Variants in BBS1 observed in about 807,000 individuals in gnomAD.
BBS1 encodes BBSome complex member BBS1.
BBS1 carries 60 observed loss-of-function variants against 73.9 expected under a neutral mutation model. The observed-to-expected ratio is 0.81, with a 90% CI of 0.66 to 1.01. The LOEUF (loss-of-function observed/expected upper bound fraction) is 1.01. Among genes scored for constraint, BBS1 ranks in the 50% least tolerant of loss-of-function variants. The pLI is 0.00. For synonymous variants in BBS1, 283 were observed against 317.4 expected, an observed-to-expected ratio of 0.89 and a Z score of 1.15; for missense variants, 718 against 770.3, an observed-to-expected ratio of 0.93 and a Z score of 0.80.
Position 66,532,326 on chromosome 11 carries a change from C to T in BBS1, c.*289C>T. On this transcript the variant is annotated 3_prime_UTR_variant, in exon 17 of 17. Coordinates refer to ENST00000318312, the MANE Select transcript of BBS1 (RefSeq NM_024649.5). ...TCCAGAAACCATACTGGGCTCAGAT[C>T]AGAGCTCCGAAGCGGTCAAAGTGAG... The T allele has an allele frequency of 1.0e-5, 5 of 489,550 alleles. No homozygotes were observed. Among genetic ancestry groups the T allele is most frequent in the South Asian group, 9.4e-5 (4 of 42,626 alleles). 30.3% of individuals were successfully genotyped at this position (489,550 alleles called of 1,614,324 possible). A position where few individuals can be genotyped will look rare whatever the true frequency, so the allele number is the denominator to read the frequency against.
At chr11:66,523,402 A>C in intron 9 of BBS1, 54 bp from the exon 10 acceptor site, 1 of 1,613,890 alleles carries the variant, frequency 6.2e-7, no homozygotes, top group Non-Finnish European at 8.5e-7. Flanking sequence ...AGGGTCAGCC[A>C]TAGAAGTGGA....
intron 9 of BBS1, among the ~76,000 whole-genome samples, chr11:66,521,966 C>T (rs552697455): frequency 1.4e-5 from 2 of 146,652 alleles, no homozygotes; most frequent in Admixed American, 1.4e-4. Flanking sequence ...CGCCTGTAAT[C>T]CCAGCACTTT....
chr11:66,531,836 G>A, intron 16 of BBS1, 94 bp downstream of exon 16: 1 of 1,607,334 alleles, frequency 6.2e-7, no homozygotes, highest in Admixed American at 1.7e-5. Flanking sequence ...GGGCTCCTGG[G>A]TGGGGGTGGG....
intron 14 of BBS1, among the ~76,000 whole-genome samples, 189 bp downstream of exon 14, chr11:66,530,141 C>T (rs113156012): frequency 0.015 from 2,217 of 152,270 alleles, 60 homozygotes; most frequent in African/African-American, 0.05. Context: ...CCTCACCTTC[C>T]CACCCTCCTG....
chr11:66,521,317 T>C lies in BBS1; in HGVS notation c.771T>C (p.Phe257=), dbSNP rs367686869. ...VPVFLEVSGQ[F]DVEFRLAAAC... ...TCTTCCTAGAGGTTTCTGGCCAGTT[T>C]GATGTTGAGTTCCGGCTTGCCGCGG... The change falls in exon 9 of 17, where the codon TTT becomes TTC. Residue 257 remains phenylalanine (F), a synonymous_variant. Transcript: ENST00000318312. 1.9e-6 allele frequency: 3 copies of C among 1,614,132 alleles called. No individual in the cohort carries two copies. Among genetic ancestry groups the C allele is most frequent in the Non-Finnish European group, 2.5e-6 (3 of 1,180,048 alleles).
chr11:66,531,136 G>C (rs1314707894), intron 15 of BBS1, 108 bp downstream of exon 15: 1 of 1,459,632 alleles, frequency 6.9e-7, no homozygotes, highest in East Asian at 2.5e-5. Flanking sequence ...GCGGGTGGCT[G>C]CCAGGTGGCC....
At chr11:66,527,059 C>A in intron 13 of BBS1, 1 of 1,520,446 alleles carries the variant, frequency 6.6e-7, no homozygotes, top group Non-Finnish European at 8.8e-7. Flanking sequence ...CAGTCACTTC[C>A]AAACGCAGGA....
intron 9 of BBS1, 78 bp from the exon 10 acceptor site, chr11:66,523,378 G>C: frequency 6.2e-7 from 1 of 1,605,032 alleles, no homozygotes; most frequent in African/African-American, 1.3e-5. Flanking sequence ...GAGTCCATGA[G>C]GTTTAGACAG....
At chr11:66,519,475 T>C (rs772864163) in intron 7 of BBS1, 142 bp from the exon 8 acceptor site, 21 of 1,196,654 alleles carry the variant, frequency 1.8e-5, no homozygotes, top group Non-Finnish European at 2.5e-5. Flanking sequence ...ATAAACACCT[T>C]TGTACTTAAA....
intron 9 of BBS1, among the ~76,000 whole-genome samples, chr11:66,521,877 C>G (rs1312544547): frequency 7.1e-6 from 1 of 141,132 alleles, no homozygotes; most frequent in Non-Finnish European, 1.5e-5. Context: ...TGCACTCCAG[C>G]CTGGGTAACG....
At chr11:66,520,920 T>C in intron 8 of BBS1, 1 of 354,016 alleles carries the variant, frequency 2.8e-6, no homozygotes, top group South Asian at 2.3e-5. Flanking sequence ...AGTTTTGCCA[T>C]GTTGGACAGG....
At chr11:66,519,911 T>A (rs1386267771) in intron 8 of BBS1, 163 bp downstream of exon 8, 2 of 841,016 alleles carry the variant, frequency 2.4e-6, no homozygotes, top group African/African-American at 3.5e-5. Context: ...CGCCTATGGA[T>A]GTATACTGTT....
At chr11:66,523,597 C>T (rs1170348088) in intron 10 of BBS1, 21 bp downstream of exon 10, 29 of 1,613,868 alleles carry the variant, frequency 1.8e-5, no homozygotes, top group Non-Finnish European at 2.4e-5. Context: ...CAGCAAGCAG[C>T]AGCCCCTCCA....
rs919118013 is a variant in BBS1, at chr11:66,532,234, C to T, written c.*197C>T. 3.4e-5 allele frequency: 21 copies of T among 609,132 alleles called. No individual in the cohort carries two copies. The highest frequency in any genetic ancestry group is 4.4e-4 in the Middle Eastern group (1 of 2,278). The allele number at this position is 609,132 out of a possible 1,614,324, so 37.7% of individuals were successfully genotyped here. ...AGTGAGTACCTAGGGCGGCTCAACT[C>T]CTCCCACAGCACCAACCCAGCATGG... On this transcript the variant is annotated 3_prime_UTR_variant, in exon 17 of 17. Coordinates refer to ENST00000318312, the MANE Select transcript of BBS1 (RefSeq NM_024649.5).
intron 3 of BBS1, among the ~76,000 whole-genome samples, chr11:66,511,662 A>G (rs1325923900): frequency 1.3e-5 from 2 of 152,166 alleles, no homozygotes; most frequent in African/African-American, 2.4e-5. Flanking sequence ...GACTCATTAT[A>G]TGAGTCTCTC....
intron 7 of BBS1, among the ~76,000 whole-genome samples, chr11:66,517,367 T>G (rs1052137288): frequency 6.6e-6 from 1 of 152,126 alleles, no homozygotes; most frequent in African/African-American, 2.4e-5. Context: ...GAATTAAACA[T>G]CACTTGTGAT....
At position 66,523,936 on chromosome 11, in the gene BBS1, T is replaced by C; in HGVS notation, c.1110+54T>C. The stretch of plus-strand genomic sequence containing the variant: ...CACTCCTCCTTGCCCTCGTCTCACC[T>C]CTGGGGCTTCTTAGCTGCCTCTTCC... On this transcript the variant is annotated intron_variant, in intron 11 of 16. Transcript: ENST00000318312. 1.9e-6 allele frequency: 3 copies of C among 1,604,934 alleles called. No homozygotes were observed. The South Asian group carries it at 3.3e-5, about 18-fold the overall frequency.
At chr11:66,530,779 G>C in intron 14 of BBS1, 115 bp from the exon 15 acceptor site, 1 of 1,451,428 alleles carries the variant, frequency 6.9e-7, no homozygotes, top group Admixed American at 1.7e-5. Context: ...CTGGGAGGCA[G>C]ATTGAGTAGG....
rs1224204532 is a variant in BBS1 at position 66,519,608 on chromosome 11, C to A, written c.592-9C>A. The A allele has an allele frequency of 6.2e-7, 1 of 1,613,578 alleles. No individual in the cohort carries two copies. Among genetic ancestry groups the A allele is most frequent in the East Asian group, 2.2e-5 (1 of 44,868 alleles). On this transcript the variant is annotated splice_polypyrimidine_tract_variant and intron_variant, in intron 7 of 16. Transcript: ENST00000318312. ...GGTTCCCTGGGTGACCCCTGGAGTC[C>A]TTCTGTAGACAGTCATCACCACCAT...
Sources: gnomAD v4.1 joint callset for allele counts (sites outside exome capture counted in the v4.1 genomes callset) on GRCh38, gnomAD v4.1.1 for gene constraint, MANE v1.5 for transcripts, NCBI Gene and HGNC (gene_info 2026-07-23, HGNC 2026-07-21) for gene names.